Variants in DPYD observed in about 807,000 individuals in gnomAD.
The protein encoded by DPYD is dihydropyrimidine dehydrogenase [NADP(+)].
A neutral mutation model predicts 116.2 loss-of-function variants in DPYD; 109 were observed. The observed-to-expected ratio is 0.94, with a 90% CI of 0.80 to 1.10. DPYD has a LOEUF of 1.10. DPYD is among the 50% of genes least tolerant of loss of function. The probability of loss-of-function intolerance (pLI) is 0.00; values close to 1 mark genes in which losing one functional copy is unlikely to be tolerated. For missense variants in DPYD, 1,302 were observed against 1,254.5 expected, an observed-to-expected ratio of 1.04 and a Z score of -0.57; for synonymous variants, 440 against 432.0, an observed-to-expected ratio of 1.02 and a Z score of -0.23.
chr1:97,487,455 C>T (rs907541070), intron 13 of DPYD, among the ~76,000 whole-genome samples: 20 of 152,016 alleles, frequency 1.3e-4, no homozygotes, highest in Non-Finnish European at 2.5e-4. Context: ...GGGCGGATCA[C>T]GAGGTCAGGA....
intron 8 of DPYD, among the ~76,000 whole-genome samples, chr1:97,644,177 C>T (rs1246913965): frequency 2.6e-5 from 4 of 152,140 alleles, no homozygotes; most frequent in Non-Finnish European, 5.9e-5. Flanking sequence ...AAGTCTTCTA[C>T]TGAGAACCAC....
intron 8 of DPYD, among the ~76,000 whole-genome samples, chr1:97,657,914 A>G (rs192882717): frequency 6.6e-6 from 1 of 152,320 alleles, no homozygotes; most frequent in East Asian, 1.9e-4. Context: ...TAATCATTAA[A>G]GCAAACAGCA....
At chr1:97,481,351 G>C (rs1291226013) in intron 13 of DPYD, among the ~76,000 whole-genome samples, 1 of 152,104 alleles carries the variant, frequency 6.6e-6, no homozygotes, top group African/African-American at 2.4e-5. Flanking sequence ...ATTATTTAGT[G>C]TGTGAACTGT....
At chr1:97,555,307 T>C (rs1195757568) in intron 11 of DPYD, among the ~76,000 whole-genome samples, 2 of 152,116 alleles carry the variant, frequency 1.3e-5, no homozygotes, top group African/African-American at 4.8e-5. Flanking sequence ...CTGTCAGAAA[T>C]CATAGTCATT....
intron 18 of DPYD, among the ~76,000 whole-genome samples, chr1:97,289,272 G>A (rs1407548202): frequency 6.6e-6 from 1 of 151,924 alleles, no homozygotes; most frequent in Non-Finnish European, 1.5e-5. Context: ...GGAGGAACTG[G>A]TACCATTCCT....
At chr1:97,458,630 C>T (rs1437916447) in intron 13 of DPYD, among the ~76,000 whole-genome samples, 1 of 152,028 alleles carries the variant, frequency 6.6e-6, no homozygotes, top group Non-Finnish European at 1.5e-5. Flanking sequence ...GAGTAGAAAT[C>T]GCCACATAAA....
intron 10 of DPYD, among the ~76,000 whole-genome samples, chr1:97,588,094 C>T (rs577238780): frequency 4.7e-4 from 71 of 152,080 alleles, no homozygotes; most frequent in African/African-American, 1.5e-3. Flanking sequence ...CTGAGCAATC[C>T]GGTATTGTTA....
rs1553233231 is a variant in DPYD, at chr1:97,751,460, G to GTA, written c.234-10983_234-10982dup. Among the ~76,000 whole-genome samples the GTA allele has an allele frequency of 7.2e-3, 154 of 21,272 alleles. 8 individuals carry two copies. The highest frequency in any genetic ancestry group is 0.012 in the Admixed American group (13 of 1,082). 14.0% of individuals were successfully genotyped at this position (21,272 alleles called of 152,430 possible). On this transcript the variant is annotated intron_variant, in intron 3 of 22. Transcript: ENST00000370192. ...TGTGTGTGTGTGTGTGTGTGTGTGTGTATATATATATATATATATATATAT... is the reference window on the plus strand; with the variant it reads ...TGTGTGTGTGTGTGTGTGTGTGTGTGTATATATATATATATATATATATATAT...
chr1:97,796,238 C>T (rs890134354), intron 3 of DPYD, among the ~76,000 whole-genome samples: 1 of 152,006 alleles, frequency 6.6e-6, no homozygotes, highest in Non-Finnish European at 1.5e-5. Context: ...ATTATTATCC[C>T]AATTTTATAG....
intron 19 of DPYD, among the ~76,000 whole-genome samples, chr1:97,224,797 G>C (rs1661004844): frequency 6.6e-6 from 1 of 151,364 alleles, no homozygotes; most frequent in Non-Finnish European, 1.5e-5. Context: ...ATTTCATTTG[G>C]CATAGTATTC....
chr1:97,153,389 T>C (rs1025531325), intron 20 of DPYD, among the ~76,000 whole-genome samples: 2 of 152,012 alleles, frequency 1.3e-5, no homozygotes, highest in Non-Finnish European at 2.9e-5. Flanking sequence ...GCGAGGACAG[T>C]ATTAAAAACG....
At chr1:97,808,489 C>A (rs1308938288) in intron 3 of DPYD, among the ~76,000 whole-genome samples, 2 of 152,082 alleles carry the variant, frequency 1.3e-5, no homozygotes, top group African/African-American at 2.4e-5. Context: ...TAGTAAGGAA[C>A]TAATAATTGT....
intron 18 of DPYD, among the ~76,000 whole-genome samples, chr1:97,293,489 C>A (rs1367819403): frequency 6.6e-6 from 1 of 152,156 alleles, no homozygotes; most frequent in East Asian, 1.9e-4. Context: ...ATTGTGCCCA[C>A]CTGATTGGTT....
chr1:97,783,858 A>G (rs1235186690), intron 3 of DPYD, among the ~76,000 whole-genome samples: 1 of 152,204 alleles, frequency 6.6e-6, no homozygotes, highest in Admixed American at 6.5e-5. Flanking sequence ...ACCCAATATC[A>G]TGGTAACAGA....
intron 20 of DPYD, among the ~76,000 whole-genome samples, chr1:97,139,641 T>C (rs1353745062): frequency 6.6e-6 from 1 of 152,148 alleles, no homozygotes; most frequent in Non-Finnish European, 1.5e-5. Context: ...ATTTTTTATG[T>C]TTACGAACAA....
At chr1:97,703,196 T>G (rs190298851) in intron 5 of DPYD, among the ~76,000 whole-genome samples, 6 of 152,158 alleles carry the variant, frequency 3.9e-5, no homozygotes, top group African/African-American at 1.4e-4. Context: ...GAGTTTGGAT[T>G]AACCTTGATG....
intron 8 of DPYD, among the ~76,000 whole-genome samples, chr1:97,634,771 G>A (rs139022234): frequency 6.5e-4 from 99 of 152,062 alleles, no homozygotes; most frequent in African/African-American, 2.3e-3. Flanking sequence ...AGGCATACAC[G>A]TTTCTGCAAG....
At chr1:97,860,588 CT>C (rs543087954) in intron 2 of DPYD, among the ~76,000 whole-genome samples, 13 of 152,072 alleles carry the variant, frequency 8.5e-5, no homozygotes, top group Non-Finnish European at 1.8e-4. Flanking sequence ...CTGGACAAAT[CT>C]TTAAGTTAAA....
chr1:97,453,214 G>T (rs931376375), intron 13 of DPYD, among the ~76,000 whole-genome samples: 1 of 152,104 alleles, frequency 6.6e-6, no homozygotes, highest in African/African-American at 2.4e-5. Context: ...CTGGTTGCTA[G>T]TTCTTAACTG....
Sources: allele counts gnomAD v4.1 joint callset (sites outside exome capture counted in the v4.1 genomes callset), GRCh38; gene constraint gnomAD v4.1.1; transcripts MANE v1.5; gene names NCBI Gene and HGNC (gene_info 2026-07-23, HGNC 2026-07-21).